The following ASGR2 variants were observed in gnomAD, a reference collection of about 807,000 sequenced individuals.
ASGR2 encodes the protein asialoglycoprotein receptor 2, also known as C-type lectin domain family 4 member H2.
In ASGR2, 34 loss-of-function variants were observed where a neutral mutation model predicts 32.3. The ratio of observed to expected loss-of-function variants is 1.05; its 90% CI spans 0.80 to 1.40. The LOEUF is 1.40. Among genes scored for constraint, ASGR2 ranks in the 40% most tolerant of loss-of-function variants. The pLI is 0.00. For synonymous variants in ASGR2, 143 were observed against 150.0 expected, an observed-to-expected ratio of 0.95 and a Z score of 0.34; for missense variants, 385 against 386.4, an observed-to-expected ratio of 1.00 and a Z score of 0.03.
intron 2 of ASGR2, among the ~76,000 whole-genome samples, chr17:7,109,278 C>T (rs1238381292): frequency 6.6e-6 from 1 of 152,102 alleles, no homozygotes; most frequent in Non-Finnish European, 1.5e-5. Flanking sequence ...GTTTTCCTCC[C>T]ATCCAGCCAG....
In ASGR2 at chr17:7,107,388, GGGA is replaced by G; in HGVS notation, c.410-74_410-72del. 1 of 1,521,460 alleles carries G rather than the reference GGGA, an allele frequency of 6.6e-7. No homozygotes were observed. The highest frequency in any genetic ancestry group is 9.0e-7 in the Non-Finnish European group (1 of 1,116,814). 94.2% of individuals were successfully genotyped at this position (1,521,460 alleles called of 1,614,324 possible). On this transcript the variant is annotated intron_variant, in intron 5 of 8. Transcript: ENST00000691900. The surrounding 1 kb of genome is among the most constrained non-coding windows in gnomAD (Gnocchi z 5.0). Reference sequence around the variant, plus strand: ...CCTGCTAGGCTCCAGCCTGTGGCTGGGGAAGCATATACACCCACAGACACGTAC... The same window carrying G: ...CCTGCTAGGCTCCAGCCTGTGGCTGGAGCATATACACCCACAGACACGTAC...
chr17:7,102,280 C>T, intron 7 of ASGR2, 84 bp from the exon 8 acceptor site: 1 of 1,102,092 alleles, frequency 9.1e-7, no homozygotes, highest in South Asian at 1.3e-5. Context: ...TGGCCCCTCT[C>T]AGCCTTCCCC....
Position 7,113,505 on chromosome 17 carries a change from C to T in ASGR2, c.124+612G>A, listed in dbSNP as rs542399323. ...ACACACACAACACACACACAACATA[C>T]ACAACGTACACACACACAACATACA... is the stretch of plus-strand genomic sequence containing the variant. On this transcript the variant is annotated intron_variant, in intron 2 of 8. Transcript: ENST00000691900. The surrounding 1 kb of genome is among the most constrained non-coding windows in gnomAD (Gnocchi z 5.1). Among the ~76,000 whole-genome samples the T allele has an allele frequency of 2.0e-4, 30 of 146,718 alleles. No homozygotes were observed. The highest frequency in any genetic ancestry group is 6.3e-4 in the African/African-American group (25 of 39,918).
In ASGR2 at chr17:7,101,376, T is replaced by TA. The variant is rs1299833045; in HGVS notation, c.*198dup. The TA allele has an allele frequency of 4.9e-6, 3 of 611,520 alleles. No individual in the cohort carries two copies. The African/African-American group carries it at 5.5e-5, about 11-fold the overall frequency. The allele number at this position is 611,520 out of a possible 1,614,324, so 37.9% of individuals were successfully genotyped here. A position where few individuals can be genotyped will look rare whatever the true frequency, so the allele number is the denominator to read the frequency against. On this transcript the variant is annotated 3_prime_UTR_variant, in exon 9 of 9. Transcript: ENST00000691900. The stretch of plus-strand genomic sequence containing the variant: ...ACGCCATTGAAGAGGCTGACGATTA[T>TA]AATAATTACAATGAATTACAGAAGG...
At chr17:7,105,842 A>G (rs572913618) in intron 7 of ASGR2, among the ~76,000 whole-genome samples, 2 of 149,962 alleles carry the variant, frequency 1.3e-5, no homozygotes, top group East Asian at 3.9e-4. Context: ...GGGCTGGAGT[A>G]TAATGGCGCA....
chr17:7,106,339 AC>A (rs1235399201), intron 7 of ASGR2, among the ~76,000 whole-genome samples: 2 of 152,218 alleles, frequency 1.3e-5, no homozygotes, highest in Non-Finnish European at 2.9e-5. Flanking sequence ...CTTCATAGTG[AC>A]GAAAGCACCG....
intron 7 of ASGR2, among the ~76,000 whole-genome samples, chr17:7,104,866 C>T (rs1451905507): frequency 6.6e-6 from 1 of 150,882 alleles, no homozygotes; most frequent in Non-Finnish European, 1.5e-5. Flanking sequence ...ATCTCAGCTA[C>T]TCGGGATACT....
chr17:7,110,277 A>G (rs1914455304), intron 2 of ASGR2, among the ~76,000 whole-genome samples: 1 of 151,838 alleles, frequency 6.6e-6, no homozygotes, highest in East Asian at 1.9e-4. Flanking sequence ...CGCTCTGAGC[A>G]CAGCCCCACC....
rs1338445163 is a variant in ASGR2, at chr17:7,113,848, C to T, written c.124+269G>A. Among the ~76,000 whole-genome samples, 1 of 152,256 alleles carries T rather than the reference C, an allele frequency of 6.6e-6. No individual in the cohort carries two copies. On this transcript the variant is annotated intron_variant, in intron 2 of 8. Coordinates refer to ENST00000691900, the MANE Select transcript of ASGR2 (RefSeq NM_001201352.2). This position sits in a 1 kb window ranked among gnomAD's most constrained non-coding sequence, Gnocchi z 5.1. ...GCTGAATCTGCATTCCTCATATGCA[C>T]ATACGTGCACACGCACATACGAGGC...
intron 7 of ASGR2, among the ~76,000 whole-genome samples, chr17:7,105,752 G>A (rs1481007757): frequency 6.6e-6 from 1 of 151,732 alleles, no homozygotes; most frequent in East Asian, 1.9e-4. Flanking sequence ...GCCCCTCAGG[G>A]AATGGTCCAG....
At chr17:7,110,894 G>A (rs979355812) in intron 2 of ASGR2, among the ~76,000 whole-genome samples, 12 of 152,134 alleles carry the variant, frequency 7.9e-5, no homozygotes, top group African/African-American at 2.9e-4. Flanking sequence ...TTACTGTTTG[G>A]AGAGAGTCTG....
rs527884956 is a variant in ASGR2, at chr17:7,107,689, GGAGA to G, written c.409+143_409+146del. ...CCATGACATATCACACCACACATAC[GGAGA>G]GAGACACAGATACACATGCTTGCAG... On this transcript the variant is annotated intron_variant, in intron 5 of 8. Coordinates refer to ENST00000691900, the MANE Select transcript of ASGR2 (RefSeq NM_001201352.2). This position sits in a 1 kb window ranked among gnomAD's most constrained non-coding sequence, Gnocchi z 5.0. The G allele has an allele frequency of 4.5e-4, 452 of 999,898 alleles. 3 individuals are homozygous for G. In the African/African-American group the frequency reaches 6.5e-3, roughly 14 times the overall value. The allele number at this position is 999,898 out of a possible 1,614,324, so 61.9% of individuals were successfully genotyped here. A position where few individuals can be genotyped will look rare whatever the true frequency, so the allele number is the denominator to read the frequency against.
At chr17:7,110,015 C>A (rs1367874252) in intron 2 of ASGR2, among the ~76,000 whole-genome samples, 1 of 152,112 alleles carries the variant, frequency 6.6e-6, no homozygotes, top group African/African-American at 2.4e-5. Flanking sequence ...ACTCTGTGGA[C>A]TTCCTTGTCT....
chr17:7,107,356 G>A lies in ASGR2; in HGVS notation c.410-39C>T. 1 of 1,599,424 alleles carries A rather than the reference G, an allele frequency of 6.3e-7. No homozygotes were observed. Among genetic ancestry groups the A allele is most frequent in the South Asian group, 1.1e-5 (1 of 90,560 alleles). On this transcript the variant is annotated intron_variant, in intron 5 of 8. Transcript: ENST00000691900. This position sits in a 1 kb window ranked among gnomAD's most constrained non-coding sequence, Gnocchi z 5.0. ...GCTGAAAGTGCTGCCGGCAGGTGTG[G>A]TCCCCACCTGCTAGGCTCCAGCCTG...
At position 7,104,990 on chromosome 17, in the gene ASGR2, T is replaced by A. The variant is rs1401450077; in HGVS notation, c.648+2010A>T. On this transcript the variant is annotated intron_variant, in intron 7 of 8. Transcript: ENST00000691900. Reference sequence around the variant, plus strand: ...GACTCCATCTCAAAAAAAAAAAAAATTTTTTTTTTTTTTCAGATACAACAC... The same window carrying A: ...GACTCCATCTCAAAAAAAAAAAAAAATTTTTTTTTTTTTCAGATACAACAC... 2.2e-4 allele frequency among the ~76,000 whole-genome samples: 28 copies of A among 128,776 alleles called. 1 individual carries two copies. Among genetic ancestry groups the A allele is most frequent in the South Asian group, 4.6e-4 (2 of 4,390 alleles). The allele number at this position is 128,776 out of a possible 152,430, so 84.5% of individuals were successfully genotyped here.
At position 7,108,861 on chromosome 17, in the gene ASGR2, T is replaced by C; in HGVS notation, c.152A>G (p.Gln51Arg). The change falls in exon 3 of 9, where the codon CAG becomes CGG. Residue 51 changes from glutamine (Q) to arginine (R), a missense_variant. Coordinates refer to ENST00000691900, the MANE Select transcript of ASGR2 (RefSeq NM_001201352.2). The surrounding 1 kb of genome is among the most constrained non-coding windows in gnomAD (Gnocchi z 4.9). ...KGPPPAQPLAQRLCSMVCFSL... is the reference protein window; with the variant it reads ...KGPPPAQPLARRLCSMVCFSL... Reference sequence around the variant, plus strand: ...GAAGCAGACCATGGAGCAGAGACGCTGTGCCAGGGGCTGGGCAGGAGGTGG... The same window carrying C: ...GAAGCAGACCATGGAGCAGAGACGCCGTGCCAGGGGCTGGGCAGGAGGTGG... 6.2e-7 allele frequency: 1 copy of C among 1,602,564 alleles called. No individual in the cohort carries two copies. Among genetic ancestry groups the C allele is most frequent in the East Asian group, 2.3e-5 (1 of 44,214 alleles).
chr17:7,114,309 G>C lies in ASGR2; in HGVS notation c.-69C>G. 4 of 1,589,564 alleles carry C rather than the reference G, an allele frequency of 2.5e-6. No individual in the cohort carries two copies. Among genetic ancestry groups the C allele is most frequent in the South Asian group, 1.1e-5 (1 of 88,632 alleles). On this transcript the variant is annotated splice_region_variant and 5_prime_UTR_variant, in exon 2 of 9. Coordinates refer to ENST00000691900, the MANE Select transcript of ASGR2 (RefSeq NM_001201352.2). This position sits in a 1 kb window ranked among gnomAD's most constrained non-coding sequence, Gnocchi z 4.5. ...GGGCTGAGGTTGCTCTGAGGGCTGG[G>C]GCTGGGGCAGAGGTGCAGATTCACG...
At chr17:7,101,861 T>G (rs1229402568) in intron 8 of ASGR2, 121 bp from the exon 9 acceptor site, 2 of 1,354,200 alleles carry the variant, frequency 1.5e-6, no homozygotes, top group East Asian at 2.4e-5. Context: ...TGTGCCCTGC[T>G]ACCCAGTCTG....
chr17:7,114,628 G>A lies in ASGR2; in HGVS notation c.-84C>T, dbSNP rs891791091. 26 of 1,055,498 alleles carry A rather than the reference G, an allele frequency of 2.5e-5. No individual in the cohort carries two copies. Among genetic ancestry groups the A allele is most frequent in the Non-Finnish European group, 2.8e-5 (24 of 872,526 alleles). The allele number at this position is 1,055,498 out of a possible 1,614,324, so 65.4% of individuals were successfully genotyped here. ...AGCCTCAGTTACCTGTGAAAGGTGTGGAGAGCGGACACCTGGCTCCCGCAG... is the reference window on the plus strand; with the variant it reads ...AGCCTCAGTTACCTGTGAAAGGTGTAGAGAGCGGACACCTGGCTCCCGCAG... On this transcript the variant is annotated 5_prime_UTR_variant, in exon 1 of 9. Coordinates refer to ENST00000691900, the MANE Select transcript of ASGR2 (RefSeq NM_001201352.2). The surrounding 1 kb of genome is among the most constrained non-coding windows in gnomAD (Gnocchi z 4.5).
Sources: allele counts gnomAD v4.1 joint callset (sites outside exome capture counted in the v4.1 genomes callset), GRCh38; gene constraint gnomAD v4.1.1; non-coding constraint Gnocchi (gnomAD v3.1); transcripts MANE v1.5; gene names NCBI Gene and HGNC (gene_info 2026-07-23, HGNC 2026-07-21).